TRMT61A: variants seen among roughly 807,000 people sequenced by gnomAD.
The protein encoded by TRMT61A is tRNA (adenine(58)-N(1))-methyltransferase catalytic subunit TRMT61A.
In TRMT61A, 15 loss-of-function variants were observed where a neutral mutation model predicts 21.3. That is an observed-to-expected ratio of 0.70 (90% CI 0.47 to 1.08). TRMT61A has a LOEUF of 1.08. TRMT61A is among the 50% of genes least tolerant of loss of function. The probability of loss-of-function intolerance (pLI) is 0.00; values close to 1 mark genes in which losing one functional copy is unlikely to be tolerated. For synonymous variants in TRMT61A, 183 were observed against 185.5 expected, an observed-to-expected ratio of 0.99 and a Z score of 0.11; for missense variants, 352 against 426.7, an observed-to-expected ratio of 0.83 and a Z score of 1.54.
Position 103,535,623 on chromosome 14 carries a change from C to T in TRMT61A, c.*802C>T, listed in dbSNP as rs1047445326. Reference sequence around the variant, plus strand: ...GAATGCCAGCCTGTGAGTCCCGGAACTATGTGGGTACCCCTACCCCTCACA... The same window carrying T: ...GAATGCCAGCCTGTGAGTCCCGGAATTATGTGGGTACCCCTACCCCTCACA... On this transcript the variant is annotated 3_prime_UTR_variant, in exon 4 of 4. Transcript: ENST00000389749. 9.0e-6 allele frequency: 3 copies of T among 331,794 alleles called. No homozygotes were observed. Among genetic ancestry groups the T allele is most frequent in the African/African-American group, 6.5e-5 (3 of 46,136 alleles). The allele number at this position is 331,794 out of a possible 1,614,324, so 20.6% of individuals were successfully genotyped here.
chr14:103,536,804 G>GA lies in TRMT61A; in HGVS notation c.*1983_*1984insA, dbSNP rs2075975770. On this transcript the variant is annotated 3_prime_UTR_variant, in exon 4 of 4. Transcript: ENST00000389749. The stretch of plus-strand genomic sequence containing the variant: ...TTTTCCAGCCGGGGCTGGTTGCCCT[G>GA]GTGGCAGCCCTGGGTGAGTCACCAG... 6.6e-6 allele frequency: 1 copy of GA among 152,246 alleles called. No homozygotes were observed. Among genetic ancestry groups the GA allele is most frequent in the South Asian group, 2.1e-4 (1 of 4,830 alleles). The allele number at this position is 152,246 out of a possible 1,614,324, so 9.4% of individuals were successfully genotyped here.
chr14:103,530,730 T>G (rs778540331), intron 2 of TRMT61A, among the ~76,000 whole-genome samples: 1 of 152,196 alleles, frequency 6.6e-6, no homozygotes, highest in Non-Finnish European at 1.5e-5. Context: ...GCCTTCCCCA[T>G]CCTCATCCAT....
chr14:103,534,979 G>C lies in TRMT61A; in HGVS notation c.*158G>C, dbSNP rs769147737. 1 of 910,058 alleles carries C rather than the reference G, an allele frequency of 1.1e-6. No homozygotes were observed. The highest frequency in any genetic ancestry group is 1.6e-5 in the African/African-American group (1 of 61,288). 56.4% of individuals were successfully genotyped at this position (910,058 alleles called of 1,614,324 possible). ...GCCAGAGTGGGACAGCAGGAAGGGC[G>C]GCTGTGATGGAGGAGCAGTGCTGGG... On this transcript the variant is annotated 3_prime_UTR_variant, in exon 4 of 4. Coordinates refer to ENST00000389749, the MANE Select transcript of TRMT61A (RefSeq NM_152307.3).
rs770138279 is a variant in TRMT61A at position 103,529,201 on chromosome 14, G to GGCC, written c.-78_-76dup. 2.0e-4 allele frequency: 56 copies of GGCC among 279,340 alleles called. No individual in the cohort carries two copies. Among genetic ancestry groups the GGCC allele is most frequent in the East Asian group, 8.4e-4 (5 of 5,948 alleles). 17.3% of individuals were successfully genotyped at this position (279,340 alleles called of 1,614,324 possible). On this transcript the variant is annotated 5_prime_UTR_variant, in exon 1 of 4. Transcript: ENST00000389749. ...GCGGGCGCGGAGCCGGAAGTGTTGT[G>GGCC]GCCGCCGCCGCCGCGCGTCGCGGAG...
Position 103,534,868 on chromosome 14 carries a change from G to T in TRMT61A, c.*47G>T, listed in dbSNP as rs2075967972. ...AGGGAGCTGGGAGCACTGAAGGGCT[G>T]GGCAGGGAGGCCAGAGGCACCTTAT... On this transcript the variant is annotated 3_prime_UTR_variant, in exon 4 of 4. Coordinates refer to ENST00000389749, the MANE Select transcript of TRMT61A (RefSeq NM_152307.3). 6.5e-7 allele frequency: 1 copy of T among 1,528,578 alleles called. No homozygotes were observed. Among genetic ancestry groups the T allele is most frequent in the Non-Finnish European group, 8.8e-7 (1 of 1,140,242 alleles). 94.7% of individuals were successfully genotyped at this position (1,528,578 alleles called of 1,614,324 possible).
At position 103,532,851 on chromosome 14, in the gene TRMT61A, G is replaced by T; in HGVS notation, c.598+3G>T. The stretch of plus-strand genomic sequence containing the variant: ...CTGGGACGCCCTCAAGGTCGAAGGT[G>T]CATCCGGGGTTCCGGGAGAGGTACA... On this transcript the variant is annotated splice_donor_region_variant and intron_variant, in intron 3 of 3. Coordinates refer to ENST00000389749, the MANE Select transcript of TRMT61A (RefSeq NM_152307.3). 1 of 1,544,560 alleles carries T rather than the reference G, an allele frequency of 6.5e-7. No homozygotes were observed.
At position 103,535,694 on chromosome 14, in the gene TRMT61A, G is replaced by C. The variant is rs920584200; in HGVS notation, c.*873G>C. 2 of 272,124 alleles carry C rather than the reference G, an allele frequency of 7.3e-6. No homozygotes were observed. Among genetic ancestry groups the C allele is most frequent in the South Asian group, 3.5e-5 (1 of 28,806 alleles). The allele number at this position is 272,124 out of a possible 1,614,324, so 16.9% of individuals were successfully genotyped here. A position where few individuals can be genotyped will look rare whatever the true frequency, so the allele number is the denominator to read the frequency against. On this transcript the variant is annotated 3_prime_UTR_variant, in exon 4 of 4. Coordinates refer to ENST00000389749, the MANE Select transcript of TRMT61A (RefSeq NM_152307.3). ...GGTCCCTCCACAGTGACAACGGTGT[G>C]GGGTAGGGGAGGTGCATTCAGGACA...
rs544626270 is a variant in TRMT61A at position 103,529,283 on chromosome 14, G to A, written c.-30+22G>A. 82 of 284,724 alleles carry A rather than the reference G, an allele frequency of 2.9e-4. 3 individuals carry two copies. Among genetic ancestry groups the A allele is most frequent in the South Asian group, 2.1e-3 (81 of 39,384 alleles). 17.6% of individuals were successfully genotyped at this position (284,724 alleles called of 1,614,324 possible). ...GCAGGTGAGACTCCGCGGGGTACAG[G>A]GTGGCAGGGCGCGGGTGAGGGTGAC... is the stretch of plus-strand genomic sequence containing the variant. On this transcript the variant is annotated intron_variant, in intron 1 of 3. Transcript: ENST00000389749.
In TRMT61A at chr14:103,534,610, T is replaced by C. The variant is rs746711512; in HGVS notation, c.659T>C (p.Leu220Pro). The C allele has an allele frequency of 6.2e-7, 1 of 1,604,726 alleles. No individual in the cohort carries two copies. The change falls in exon 4 of 4, where the codon CTG becomes CCG. Residue 220 changes from leucine to proline, a missense_variant. Leu to Pro is a moderately conservative substitution (Grantham distance 98, BLOSUM62 -3). Transcript: ENST00000389749. ...IEQVQRTCQA[L>P]AARGFSELST... ...CAGGTGCAACGCACATGCCAGGCGC[T>C]GGCAGCGCGCGGCTTCTCAGAGCTG...
At position 103,530,209 on chromosome 14, in the gene TRMT61A, G is replaced by T; in HGVS notation, c.231G>T (p.Thr77=). 1 of 1,612,184 alleles carries T rather than the reference G, an allele frequency of 6.2e-7. No individual in the cohort carries two copies. The highest frequency in any genetic ancestry group is 8.5e-7 in the Non-Finnish European group (1 of 1,179,430). The change falls in exon 2 of 4, where the codon ACG becomes ACT. Residue 77 remains threonine (T), a synonymous_variant. Coordinates refer to ENST00000389749, the MANE Select transcript of TRMT61A (RefSeq NM_152307.3). ...YVLHPTPELW[T]LNLPHRTQIL... ...TGCACCCCACGCCCGAGCTCTGGAC[G>T]CTGAACCTGCCGCACCGCACGCAGA...
Position 103,532,687 on chromosome 14 carries a change from A to G in TRMT61A, c.437A>G (p.Glu146Gly), listed in dbSNP as rs1259753689. 1 of 1,613,296 alleles carries G rather than the reference A, an allele frequency of 6.2e-7. No homozygotes were observed. The highest frequency in any genetic ancestry group is 1.7e-5 in the Admixed American group (1 of 60,020). ...CAGCAGCGGGCAGAGAAGGCCCGGG[A>G]GGAGTTCCAGGAGCACCGTGTGGGC... The part of the protein sequence containing the change: ...FHQQRAEKAR[E>G]EFQEHRVGRW... Residue 146 changes from glutamate to glycine, a missense_variant, in exon 3 of 4, where the codon GAG (glutamate) becomes GGG (glycine). Physicochemically the swap from Glu to Gly is moderately conservative, Grantham distance 98 (BLOSUM62 -2). Transcript: ENST00000389749.
intron 3 of TRMT61A, 22 bp from the exon 4 acceptor site, chr14:103,534,528 C>A (rs1441695397): frequency 6.5e-7 from 1 of 1,538,402 alleles, no homozygotes; most frequent in Non-Finnish European, 8.8e-7. Context: ...GCCCTCTGAC[C>A]CTCGGGTCCT....
At position 103,535,013 on chromosome 14, in the gene TRMT61A, T is replaced by C; in HGVS notation, c.*192T>C. On this transcript the variant is annotated 3_prime_UTR_variant, in exon 4 of 4. Coordinates refer to ENST00000389749, the MANE Select transcript of TRMT61A (RefSeq NM_152307.3). ...GGAGGAGCAGTGCTGGGGCTGGGCC[T>C]CAGCCATTCCTGTCCAGCCCTGTGG... is the stretch of plus-strand genomic sequence containing the variant. 1 of 763,322 alleles carries C rather than the reference T, an allele frequency of 1.3e-6. No homozygotes were observed. The highest frequency in any genetic ancestry group is 2.3e-6 in the Non-Finnish European group (1 of 441,410). The allele number at this position is 763,322 out of a possible 1,614,324, so 47.3% of individuals were successfully genotyped here.
At position 103,530,027 on chromosome 14, in the gene TRMT61A, A is replaced by G. The variant is rs1177017098; in HGVS notation, c.49A>G (p.Ile17Val). The G allele has an allele frequency of 6.2e-7, 1 of 1,612,716 alleles. No homozygotes were observed. Among genetic ancestry groups the G allele is most frequent in the South Asian group, 1.1e-5 (1 of 91,080 alleles). Reference protein sequence around the residue: ...EELIKEGDTAILSLGHGAMVA... With the variant: ...EELIKEGDTAVLSLGHGAMVA... Reference sequence around the variant, plus strand: ...GCTGATCAAGGAGGGTGACACGGCCATCCTGTCACTGGGCCATGGTGCAAT... The same window carrying G: ...GCTGATCAAGGAGGGTGACACGGCCGTCCTGTCACTGGGCCATGGTGCAAT... Residue 17 changes from isoleucine (I) to valine (V), a missense_variant, in exon 2 of 4, where the codon ATC (isoleucine) becomes GTC (valine). Coordinates refer to ENST00000389749, the MANE Select transcript of TRMT61A (RefSeq NM_152307.3).
In TRMT61A at chr14:103,535,121, T is replaced by TG; in HGVS notation, c.*305dup. On this transcript the variant is annotated 3_prime_UTR_variant, in exon 4 of 4. Transcript: ENST00000389749. ...GGGTGTTGAAGCCAAAGGGTGCAGGTGGGGGAGTCTGACCCCCTCCCAGGT... is the reference window on the plus strand; with the variant it reads ...GGGTGTTGAAGCCAAAGGGTGCAGGTGGGGGGAGTCTGACCCCCTCCCAGGT... The TG allele has an allele frequency of 1.6e-6, 1 of 629,934 alleles. No homozygotes were observed. The highest frequency in any genetic ancestry group is 3.0e-6 in the Non-Finnish European group (1 of 337,800). The allele number at this position is 629,934 out of a possible 1,614,324, so 39.0% of individuals were successfully genotyped here. A position where few individuals can be genotyped will look rare whatever the true frequency, so the allele number is the denominator to read the frequency against.
In TRMT61A at chr14:103,532,579, C is replaced by T; in HGVS notation, c.332-3C>T. 6.2e-7 allele frequency: 1 copy of T among 1,613,258 alleles called. No individual in the cohort carries two copies. The highest frequency in any genetic ancestry group is 8.5e-7 in the Non-Finnish European group (1 of 1,179,982). On this transcript the variant is annotated splice_region_variant and splice_polypyrimidine_tract_variant and intron_variant, in intron 2 of 3. Transcript: ENST00000389749. ...CCTTGCCCATCCCTTCTTGTCCTGC[C>T]AGGCACCGGCAGTGGCTCTGTGTCC...
Position 103,535,248 on chromosome 14 carries a change from G to A in TRMT61A, c.*427G>A, listed in dbSNP as rs759322126. 2.2e-6 allele frequency: 1 copy of A among 457,554 alleles called. No homozygotes were observed. The highest frequency in any genetic ancestry group is 1.6e-5 in the South Asian group (1 of 63,380). The allele number at this position is 457,554 out of a possible 1,614,324, so 28.3% of individuals were successfully genotyped here. A position where few individuals can be genotyped will look rare whatever the true frequency, so the allele number is the denominator to read the frequency against. On this transcript the variant is annotated 3_prime_UTR_variant, in exon 4 of 4. Transcript: ENST00000389749. Reference sequence around the variant, plus strand: ...CCCACGGCCCTGGCTGCCCCACGGGGCCTGAGACCATCTCGTGCTTCTCCA... The same window carrying A: ...CCCACGGCCCTGGCTGCCCCACGGGACCTGAGACCATCTCGTGCTTCTCCA...
chr14:103,536,610 C>T lies in TRMT61A; in HGVS notation c.*1789C>T, dbSNP rs2075974921. 1 of 152,262 alleles carries T rather than the reference C, an allele frequency of 6.6e-6. No individual in the cohort carries two copies. The allele number at this position is 152,262 out of a possible 1,614,324, so 9.4% of individuals were successfully genotyped here. On this transcript the variant is annotated 3_prime_UTR_variant, in exon 4 of 4. Coordinates refer to ENST00000389749, the MANE Select transcript of TRMT61A (RefSeq NM_152307.3). ...CTGGGGTGTCATGAACTGGGTGACG[C>T]ACACCCCTGAGATCTCAGTTCCCCC...
Position 103,534,692 on chromosome 14 carries a change from G to C in TRMT61A, c.741G>C (p.Pro247=), listed in dbSNP as rs373078563. ...ACGTGCGCACTGTCAGCCTGCCACC[G>C]CCCGACCTGGGCACAGGCACAGATG... ...VYNVRTVSLP[P]PDLGTGTDGP... Residue 247 remains proline (P), a synonymous_variant, in exon 4 of 4, where the codon CCG becomes CCC. Coordinates refer to ENST00000389749, the MANE Select transcript of TRMT61A (RefSeq NM_152307.3). 6.2e-7 allele frequency: 1 copy of C among 1,608,576 alleles called. No individual in the cohort carries two copies. Among genetic ancestry groups the C allele is most frequent in the Non-Finnish European group, 8.5e-7 (1 of 1,179,486 alleles).
Sources: gnomAD v4.1 joint callset for allele counts (sites outside exome capture counted in the v4.1 genomes callset) on GRCh38, gnomAD v4.1.1 for gene constraint, MANE v1.5 for transcripts, NCBI Gene and HGNC (gene_info 2026-07-23, HGNC 2026-07-21) for gene names.